The following ZNF500 variants were observed in gnomAD, a reference collection of about 807,000 sequenced individuals.
The protein encoded by ZNF500 is zinc finger protein 500, also known as zinc finger protein with KRAB and SCAN domains 18.
ZNF500 carries 31 observed loss-of-function variants against 30.1 expected under a neutral mutation model. That is an observed-to-expected ratio of 1.03 (90% CI 0.77 to 1.39). ZNF500 has a LOEUF of 1.39. ZNF500 is among the 40% of genes most tolerant of loss of function. ZNF500 has a pLI of 0.00. For synonymous variants in ZNF500, 392 were observed against 282.0 expected, an observed-to-expected ratio of 1.39 and a Z score of -3.91; for missense variants, 817 against 657.8, an observed-to-expected ratio of 1.24 and a Z score of -2.65.
At chr16:4,747,239 T>G, downstream of ZNF500, 2 of 1,401,540 alleles carry the variant, frequency 1.4e-6, no homozygotes, top group South Asian at 2.8e-5. Context: ...ATTCTTGCTC[T>G]GAAATGGGAG....
intron 5 of ZNF500, among the ~76,000 whole-genome samples, chr16:4,755,143 C>T (rs2082123160): frequency 6.6e-6 from 1 of 152,116 alleles, no homozygotes; most frequent in Admixed American, 6.6e-5. Flanking sequence ...TACCAGGTCT[C>T]AGGTATTTCT....
In ZNF500 at chr16:4,765,597, G is replaced by A. The variant is rs2082255568; in HGVS notation, c.382C>T (p.Leu128=). ...GEEAVVLVEG[L]QRKPRKHRQR... ...CTGTGTTTCCTGGGCTTCCGCTGCA[G>A]CCCTTCCACAAGGACCACGGCCTCC... The change falls in exon 2 of 6, where the codon CTG becomes TTG. Residue 128 remains leucine (L), a synonymous_variant. Transcript: ENST00000219478. The A allele has an allele frequency of 1.2e-6, 2 of 1,608,856 alleles. No individual in the cohort carries two copies. The highest frequency in any genetic ancestry group is 1.7e-4 in the Middle Eastern group (1 of 6,048).
chr16:4,746,799 C>A, downstream of ZNF500: 1 of 897,094 alleles, frequency 1.1e-6, no homozygotes, highest in Non-Finnish European at 1.6e-6. Flanking sequence ...GGACGTCCAC[C>A]GGCCTCCAGT....
intron 2 of ZNF500, among the ~76,000 whole-genome samples, chr16:4,765,154 TA>T (rs1338492011): frequency 6.6e-6 from 1 of 151,850 alleles, no homozygotes; most frequent in Non-Finnish European, 1.5e-5. Context: ...TACACAAAAT[TA>T]GCAGGTGTAG....
chr16:4,752,322 T>A lies in ZNF500; in HGVS notation c.*54A>T. The stretch of plus-strand genomic sequence containing the variant: ...CGGACCAGGCTGTCTAGCAGTTTCC[T>A]GAATTCTGTGCCCAGGGATGAGAGT... On this transcript the variant is annotated 3_prime_UTR_variant, in exon 6 of 6. Transcript: ENST00000219478. The A allele has an allele frequency of 6.9e-7, 1 of 1,439,506 alleles. No homozygotes were observed. The highest frequency in any genetic ancestry group is 9.1e-7 in the Non-Finnish European group (1 of 1,101,350). 89.2% of individuals were successfully genotyped at this position (1,439,506 alleles called of 1,614,324 possible).
In ZNF500 at chr16:4,749,495, C is replaced by G. The variant is rs2082058440; in HGVS notation, c.*2881G>C. On this transcript the variant is annotated 3_prime_UTR_variant, in exon 6 of 6. Coordinates refer to ENST00000219478, the MANE Select transcript of ZNF500 (RefSeq NM_021646.4). ...CCACCTGGGCAAGGTTTTCACGCTCCCAGTGCCCAGTTCCTCCACCCACAG... is the reference window on the plus strand; with the variant it reads ...CCACCTGGGCAAGGTTTTCACGCTCGCAGTGCCCAGTTCCTCCACCCACAG... The G allele has an allele frequency of 6.5e-6, 1 of 154,266 alleles. No homozygotes were observed. Among genetic ancestry groups the G allele is most frequent in the Admixed American group, 6.5e-5 (1 of 15,284 alleles). 9.6% of individuals were successfully genotyped at this position (154,266 alleles called of 1,614,324 possible). A position where few individuals can be genotyped will look rare whatever the true frequency, so the allele number is the denominator to read the frequency against.
chr16:4,754,698 A>G (rs1332868668), intron 5 of ZNF500, among the ~76,000 whole-genome samples: 1 of 151,870 alleles, frequency 6.6e-6, no homozygotes, highest in Non-Finnish European at 1.5e-5. Context: ...GAAAATAAAT[A>G]AAACTGAGAG....
Position 4,765,736 on chromosome 16 carries a change from C to T in ZNF500, c.243G>A (p.Pro81=), listed in dbSNP as rs759010509. 16 of 1,613,240 alleles carry T rather than the reference C, an allele frequency of 9.9e-6. No individual in the cohort carries two copies. In the East Asian group the frequency reaches 1.1e-4, roughly 11 times the overall value. ...GGATCTGCTCCTTGGTGCGCAGCTC[C>T]GGCCGCAGCCAGCGGCAGCACAGCT... ...LWELCCRWLR[P]ELRTKEQILE... is the part of the protein sequence containing the mutation. The change falls in exon 2 of 6, where the codon CCG becomes CCA. Residue 81 remains proline (P), a synonymous_variant. Coordinates refer to ENST00000219478, the MANE Select transcript of ZNF500 (RefSeq NM_021646.4).
chr16:4,750,998 G>C lies in ZNF500; in HGVS notation c.*1378C>G, dbSNP rs2142221839. 1 of 152,312 alleles carries C rather than the reference G, an allele frequency of 6.6e-6. No individual in the cohort carries two copies. The highest frequency in any genetic ancestry group is 2.4e-5 in the African/African-American group (1 of 41,480). 9.4% of individuals were successfully genotyped at this position (152,312 alleles called of 1,614,324 possible). A position where few individuals can be genotyped will look rare whatever the true frequency, so the allele number is the denominator to read the frequency against. ...GGGCAGGTCACGCACCTGGAACCTG[G>C]GCTGTGCCAAAAGGTCAAATGTGCA... On this transcript the variant is annotated 3_prime_UTR_variant, in exon 6 of 6. Transcript: ENST00000219478.
chr16:4,752,842 G>A lies in ZNF500; in HGVS notation c.977C>T (p.Thr326Ile), dbSNP rs2082098414. 6.2e-7 allele frequency: 1 copy of A among 1,614,252 alleles called. No individual in the cohort carries two copies. The highest frequency in any genetic ancestry group is 8.5e-7 in the Non-Finnish European group (1 of 1,180,046). The part of the protein sequence containing the change: ...RASHGADKPY[T>I]CPECGKGFSK... ...GAAGCCTTTGCCACATTCGGGGCAG[G>A]TGTACGGCTTGTCAGCCCCATGGGA... Residue 326 changes from threonine to isoleucine, a missense_variant, in exon 6 of 6, where the codon ACC (threonine) becomes ATC (isoleucine). Thr to Ile is a moderately conservative substitution (Grantham distance 89). Transcript: ENST00000219478.
chr16:4,751,438 C>T lies in ZNF500; in HGVS notation c.*938G>A, dbSNP rs2082076548. On this transcript the variant is annotated 3_prime_UTR_variant, in exon 6 of 6. Coordinates refer to ENST00000219478, the MANE Select transcript of ZNF500 (RefSeq NM_021646.4). ...CAGGCAACATGTCAGGAAGATGGAA[C>T]TCAGGGGTGCTTTCCCGCCCCAGGT... The T allele has an allele frequency of 2.6e-6, 2 of 775,172 alleles. No homozygotes were observed. Among genetic ancestry groups the T allele is most frequent in the South Asian group, 3.8e-5 (2 of 53,114 alleles). 48.0% of individuals were successfully genotyped at this position (775,172 alleles called of 1,614,324 possible).
At chr16:4,763,104 T>C (rs1213827622) in intron 2 of ZNF500, 4 of 985,292 alleles carry the variant, frequency 4.1e-6, no homozygotes, top group East Asian at 2.3e-4. Context: ...GCTAGATTTT[T>C]TGAAATTATC....
chr16:4,763,139 T>C (rs1231231242), intron 2 of ZNF500: 2 of 985,022 alleles, frequency 2.0e-6, no homozygotes, highest in African/African-American at 1.7e-5. Flanking sequence ...GGCTCACACC[T>C]GTAATTCCAG....
chr16:4,754,425 C>T lies in ZNF500; in HGVS notation c.761-1367G>A, dbSNP rs1567523162. Among the ~76,000 whole-genome samples the T allele has an allele frequency of 3.3e-5, 5 of 151,910 alleles. No homozygotes were observed. In the South Asian group the frequency reaches 1.0e-3, roughly 32 times the overall value. ...CTGTAATCCAAGCACTTTGGGAGGC[C>T]GAGGAAGGCGGATCACTTGAGGTCA... On this transcript the variant is annotated intron_variant, in intron 5 of 5. Coordinates refer to ENST00000219478, the MANE Select transcript of ZNF500 (RefSeq NM_021646.4).
intron 4 of ZNF500, among the ~76,000 whole-genome samples, chr16:4,761,376 G>A (rs918384583): frequency 2.6e-5 from 4 of 151,318 alleles, no homozygotes; most frequent in African/African-American, 9.7e-5. Flanking sequence ...GGAGCCGGAG[G>A]TTGCAGTGAG....
At chr16:4,755,017 T>G (rs1158200183) in intron 5 of ZNF500, among the ~76,000 whole-genome samples, 1 of 152,230 alleles carries the variant, frequency 6.6e-6, no homozygotes, top group Non-Finnish European at 1.5e-5. Flanking sequence ...GAGACATGCC[T>G]GCTCCCTCTC....
intron 1 of ZNF500, among the ~76,000 whole-genome samples, 181 bp from the exon 2 acceptor site, chr16:4,766,257 G>A (rs2082264506): frequency 6.6e-6 from 1 of 152,172 alleles, no homozygotes; most frequent in South Asian, 2.1e-4. Flanking sequence ...TTTACTGAAG[G>A]GCTCTGGGCT....
chr16:4,764,078 A>G (rs1201797633), intron 2 of ZNF500: 1 of 985,344 alleles, frequency 1.0e-6, no homozygotes, highest in African/African-American at 1.7e-5. Context: ...CTACTCCTTC[A>G]AATGGGGCTG....
At chr16:4,766,155 G>A (rs778486962) in intron 1 of ZNF500, 79 bp from the exon 2 acceptor site, 4 of 615,538 alleles carry the variant, frequency 6.5e-6, no homozygotes, top group Non-Finnish European at 1.0e-5. Context: ...CCCCTGCCCT[G>A]GTTCCAAGGC....
Sources: allele counts gnomAD v4.1 joint callset (sites outside exome capture counted in the v4.1 genomes callset), GRCh38; gene constraint gnomAD v4.1.1; transcripts MANE v1.5; gene names NCBI Gene and HGNC (gene_info 2026-07-23, HGNC 2026-07-21).